Variants in FRAS1 observed in about 807,000 individuals in gnomAD.
FRAS1 encodes extracellular matrix organizing protein FRAS1.
In FRAS1, 290 loss-of-function variants were observed where a neutral mutation model predicts 435.2. The observed-to-expected ratio is 0.67, with a 90% CI of 0.61 to 0.73. FRAS1 has a LOEUF of 0.73. FRAS1 is among the 30% of genes least tolerant of loss of function. The pLI is 0.00. For synonymous variants in FRAS1, 1,800 were observed against 1,851.0 expected, an observed-to-expected ratio of 0.97 and a Z score of 0.71; for missense variants, 4,860 against 5,001.5, an observed-to-expected ratio of 0.97 and a Z score of 0.85.
chr4:78,338,820 A>T (rs896790339), intron 20 of FRAS1, among the ~76,000 whole-genome samples: 1 of 152,214 alleles, frequency 6.6e-6, no homozygotes, highest in Non-Finnish European at 1.5e-5. Context: ...GGGCACAGCA[A>T]GTCAGTGGCT....
At chr4:78,355,775 G>C (rs993319001) in intron 20 of FRAS1, among the ~76,000 whole-genome samples, 1 of 152,106 alleles carries the variant, frequency 6.6e-6, no homozygotes, top group Non-Finnish European at 1.5e-5. Flanking sequence ...TCACCTGTGG[G>C]CAGGAACAGG....
intron 2 of FRAS1, among the ~76,000 whole-genome samples, chr4:78,143,740 A>T (rs1005767953): frequency 2.9e-5 from 4 of 137,862 alleles, no homozygotes; most frequent in South Asian, 2.3e-4. Context: ...TACTAAAAAT[A>T]ATAAAAAAAA....
At chr4:78,250,961 G>A (rs1447620388) in intron 4 of FRAS1, among the ~76,000 whole-genome samples, 3 of 151,878 alleles carry the variant, frequency 2.0e-5, no homozygotes, top group Non-Finnish European at 2.9e-5. Flanking sequence ...TTATATATTA[G>A]AGTTTAGTTC....
rs560465982 is a variant in FRAS1, at chr4:78,303,315, G to C, written c.1535-4751G>C. Among the ~76,000 whole-genome samples, 191 of 152,194 alleles carry C rather than the reference G, an allele frequency of 1.3e-3. 1 individual carries two copies. Among genetic ancestry groups the C allele is most frequent in the Non-Finnish European group, 2.3e-3 (157 of 68,000 alleles). On this transcript the variant is annotated intron_variant, in intron 14 of 73. Coordinates refer to ENST00000512123, the MANE Select transcript of FRAS1 (RefSeq NM_025074.7). Reference sequence around the variant, plus strand: ...GTGATGCCTCCAGCTTTGTTCTTTTGGCTGAGGATTGACTTGGCGATGGAG... The same window carrying C: ...GTGATGCCTCCAGCTTTGTTCTTTTCGCTGAGGATTGACTTGGCGATGGAG...
chr4:78,182,070 C>T lies in FRAS1; in HGVS notation c.109-55440C>T, dbSNP rs1421715712. On this transcript the variant is annotated intron_variant, in intron 2 of 73. Coordinates refer to ENST00000512123, the MANE Select transcript of FRAS1 (RefSeq NM_025074.7). ...ATGATGGTGGCTCGGCGGCGGGTTC[C>T]TCTACGGATTGCAGCGGGCCGCGCC... The T allele has an allele frequency of 1.4e-5, 21 of 1,503,234 alleles. No homozygotes were observed. In the East Asian group the frequency reaches 4.9e-4, roughly 35 times the overall value. 93.1% of individuals were successfully genotyped at this position (1,503,234 alleles called of 1,614,324 possible).
In FRAS1 at chr4:78,421,962, C is replaced by T; in HGVS notation, c.4640C>T (p.Ala1547Val). Reference sequence around the variant, plus strand: ...GTCATGTACCGCCCTCCCCCGGCAGCACCCCACCTCCAGGAGCTCATGGCC... The same window carrying T: ...GTCATGTACCGCCCTCCCCCGGCAGTACCCCACCTCCAGGAGCTCATGGCC... ...GKVMYRPPPA[A>V]PHLQELMAFS... Residue 1547 changes from alanine to valine, a missense_variant, in exon 34 of 74, where the codon GCA (alanine) becomes GTA (valine). Coordinates refer to ENST00000512123, the MANE Select transcript of FRAS1 (RefSeq NM_025074.7). The T allele has an allele frequency of 6.2e-7, 1 of 1,613,472 alleles. No homozygotes were observed. Among genetic ancestry groups the T allele is most frequent in the Non-Finnish European group, 8.5e-7 (1 of 1,179,602 alleles).
intron 2 of FRAS1, among the ~76,000 whole-genome samples, chr4:78,097,603 C>T (rs1357702041): frequency 2.6e-5 from 4 of 152,168 alleles, no homozygotes; most frequent in African/African-American, 7.2e-5. Context: ...AAAAAGAGAG[C>T]TTGTGCAGGG....
At chr4:78,536,191 ATTTTT>A (rs11355997) in intron 71 of FRAS1, among the ~76,000 whole-genome samples, 2 of 103,982 alleles carry the variant, frequency 1.9e-5, no homozygotes, top group Non-Finnish European at 3.8e-5. Context: ...TTGTACATGG[ATTTTT>A]TTTTTTTTTT....
intron 27 of FRAS1, among the ~76,000 whole-genome samples, chr4:78,380,861 T>C (rs1731986890): frequency 6.6e-6 from 1 of 152,214 alleles, no homozygotes; most frequent in Non-Finnish European, 1.5e-5. Flanking sequence ...TGGCACTGTC[T>C]CTATTGTAAT....
At chr4:78,374,315 G>A in intron 25 of FRAS1, 64 bp downstream of exon 25, 1 of 1,443,142 alleles carries the variant, frequency 6.9e-7, no homozygotes, top group Non-Finnish European at 9.4e-7. Context: ...CACATGTGCT[G>A]ACTCTCAGGT....
At chr4:78,065,057 T>A (rs1739941883) in intron 1 of FRAS1, among the ~76,000 whole-genome samples, 2 of 101,122 alleles carry the variant, frequency 2.0e-5, no homozygotes, top group African/African-American at 8.4e-5. Context: ...AGTTTTATAG[T>A]GTATATATAT....
At chr4:78,310,127 G>C (rs1034694056) in intron 15 of FRAS1, among the ~76,000 whole-genome samples, 5 of 152,206 alleles carry the variant, frequency 3.3e-5, no homozygotes, top group African/African-American at 1.2e-4. Flanking sequence ...ATTCAGGAGA[G>C]AATAAGGAAA....
chr4:78,238,708 A>C (rs1724868838), intron 3 of FRAS1, among the ~76,000 whole-genome samples: 1 of 152,190 alleles, frequency 6.6e-6, no homozygotes, highest in Non-Finnish European at 1.5e-5. Flanking sequence ...TTGCTAAGCA[A>C]GTCATGTCAG....
chr4:78,131,505 A>T (rs1479762388), intron 2 of FRAS1, among the ~76,000 whole-genome samples: 2 of 152,222 alleles, frequency 1.3e-5, no homozygotes, highest in African/African-American at 4.8e-5. Context: ...GGAATTATGT[A>T]GTCCAGTGGG....
intron 20 of FRAS1, among the ~76,000 whole-genome samples, chr4:78,355,013 C>T (rs1730794767): frequency 6.6e-6 from 1 of 152,168 alleles, no homozygotes; most frequent in Admixed American, 6.5e-5. Context: ...GCAATTTCCT[C>T]ACAGCTGCAG....
At chr4:78,256,903 T>C (rs183309114) in intron 6 of FRAS1, among the ~76,000 whole-genome samples, 419 of 152,348 alleles carry the variant, frequency 2.8e-3, no homozygotes, top group Non-Finnish European at 2.9e-3. Context: ...TTTGGATGTT[T>C]ATCATACCTG....
chr4:78,333,505 G>T, intron 19 of FRAS1, 93 bp downstream of exon 19: 2 of 1,305,444 alleles, frequency 1.5e-6, no homozygotes, highest in South Asian at 1.5e-5. Context: ...TTGTCATACC[G>T]GGGACTAAGA....
chr4:78,532,610 A>G (rs1721752050), intron 70 of FRAS1, among the ~76,000 whole-genome samples: 1 of 152,112 alleles, frequency 6.6e-6, no homozygotes, highest in South Asian at 2.1e-4. Flanking sequence ...ATATTTCCCC[A>G]TATCCCCCTC....
In FRAS1 at chr4:78,450,317, C is replaced by T. The variant is rs778183978; in HGVS notation, c.6441C>T (p.Phe2147=). 5.6e-6 allele frequency: 9 copies of T among 1,613,762 alleles called. No individual in the cohort carries two copies. Among genetic ancestry groups the T allele is most frequent in the Non-Finnish European group, 7.6e-6 (9 of 1,179,822 alleles). The change falls in exon 45 of 74, where the codon TTC becomes TTT. Residue 2147 remains phenylalanine (F), a synonymous_variant. Coordinates refer to ENST00000512123, the MANE Select transcript of FRAS1 (RefSeq NM_025074.7). ...CTATTAAAGGCCCCATCCGAAGTTT[C>T]ACCCAGGCAGACATTAGCCAAGGTC... is the stretch of plus-strand genomic sequence containing the variant. ...QISIKGPIRS[F]TQADISQGHV...
Sources: gnomAD v4.1 joint callset for allele counts (sites outside exome capture counted in the v4.1 genomes callset) on GRCh38, gnomAD v4.1.1 for gene constraint, MANE v1.5 for transcripts, NCBI Gene and HGNC (gene_info 2026-07-23, HGNC 2026-07-21) for gene names.